FBH1: variants seen among roughly 807,000 people sequenced by gnomAD.
FBH1 encodes the protein DNA 3'-5' helicase 1.
In FBH1, 43 loss-of-function variants were observed where a neutral mutation model predicts 115.5. That is an observed-to-expected ratio of 0.37 (90% CI 0.29 to 0.48). The LOEUF (loss-of-function observed/expected upper bound fraction) is 0.48, where lower values mean the gene tolerates loss of function less well. Ranked by LOEUF, FBH1 falls within the 20% of genes least tolerant of loss-of-function variation. The pLI, the probability that FBH1 is intolerant of heterozygous loss-of-function variation, is 0.99. For synonymous variants in FBH1, 524 were observed against 507.8 expected (o/e 1.03, Z -0.43); for missense variants, 1,001 against 1,337.3 (o/e 0.75, Z 3.92).
At chr10:5,896,966 T>G (rs1455499503) in intron 1 of FBH1, among the ~76,000 whole-genome samples, 1 of 152,188 alleles carries the variant, frequency 6.6e-6, no homozygotes, top group Non-Finnish European at 1.5e-5. Flanking sequence ...TTTGAACTGC[T>G]TTTTAAAAAG....
chr10:5,936,712 C>A lies in FBH1; in HGVS notation c.2961+125C>A. ...GTGTGATCCTTTATTAGGGGCTTTT[C>A]ATATGAGAGGCACAAGAGGTGTGTG... On this transcript the variant is annotated intron_variant, in intron 20 of 20. Transcript: ENST00000362091. The surrounding 1 kb of genome is among the most constrained non-coding windows in gnomAD (Gnocchi z 5.6). The A allele has an allele frequency of 1.6e-6, 2 of 1,243,114 alleles. No homozygotes were observed. Among genetic ancestry groups the A allele is most frequent in the South Asian group, 1.4e-5 (1 of 73,464 alleles). The allele number at this position is 1,243,114 out of a possible 1,614,324, so 77.0% of individuals were successfully genotyped here. A position where few individuals can be genotyped will look rare whatever the true frequency, so the allele number is the denominator to read the frequency against.
chr10:5,912,571 G>A (rs1831669215), intron 6 of FBH1, among the ~76,000 whole-genome samples: 3 of 152,294 alleles, frequency 2.0e-5, no homozygotes, highest in South Asian at 2.1e-4. Flanking sequence ...AAGGAAGGTG[G>A]CTAGTGGCAC....
At chr10:5,908,511 C>T (rs1843863801) in intron 3 of FBH1, among the ~76,000 whole-genome samples, 1 of 152,158 alleles carries the variant, frequency 6.6e-6, no homozygotes, top group Admixed American at 6.5e-5. Context: ...AACATTTCTG[C>T]CTGATTTTCC....
rs528302493 is a variant in FBH1 at position 5,900,000 on chromosome 10, C to A, written c.2-3020C>A. 8.0e-4 allele frequency among the ~76,000 whole-genome samples: 122 copies of A among 152,312 alleles called. 1 individual carries two copies. The highest frequency in any genetic ancestry group is 1.2e-3 in the Non-Finnish European group (81 of 68,028). On this transcript the variant is annotated intron_variant, in intron 1 of 20. Transcript: ENST00000362091. ...CTGGTCAGCAACATTACAGAACCAG[C>A]ACAAACCAGCACAAAACCATCAAAG...
rs1259438417 is a variant in FBH1 at position 5,932,563 on chromosome 10, G to A, written c.2830-3893G>A. On this transcript the variant is annotated intron_variant, in intron 19 of 20. Coordinates refer to ENST00000362091, the MANE Select transcript of FBH1 (RefSeq NM_178150.3). The surrounding 1 kb of genome is among the most constrained non-coding windows in gnomAD (Gnocchi z 5.9). Reference sequence around the variant, plus strand: ...ATTTATGCCGTTCTCGCTCATGGACGTGGTCACTTCCAGCCTTTTGCTTTC... The same window carrying A: ...ATTTATGCCGTTCTCGCTCATGGACATGGTCACTTCCAGCCTTTTGCTTTC... 6.6e-6 allele frequency among the ~76,000 whole-genome samples: 1 copy of A among 152,166 alleles called. No homozygotes were observed. The highest frequency in any genetic ancestry group is 1.5e-5 in the Non-Finnish European group (1 of 68,042).
intron 1 of FBH1, 100 bp downstream of exon 1, chr10:5,890,446 G>A (rs1440142355): frequency 5.9e-6 from 2 of 337,756 alleles, no homozygotes; most frequent in Non-Finnish European, 1.1e-5. Flanking sequence ...GGCCCGGGGT[G>A]GGGCAGCGGG....
chr10:5,898,735 A>G (rs894223100), intron 1 of FBH1, among the ~76,000 whole-genome samples: 14 of 152,212 alleles, frequency 9.2e-5, no homozygotes, highest in African/African-American at 3.4e-4. Flanking sequence ...TCATACCGTC[A>G]CCTTGCGGGT....
rs78243977 is a variant in FBH1 at position 5,900,572 on chromosome 10, C to T, written c.2-2448C>T. On this transcript the variant is annotated intron_variant, in intron 1 of 20. Transcript: ENST00000362091. This position sits in a 1 kb window ranked among gnomAD's most constrained non-coding sequence, Gnocchi z 4.2. ...GTTCAGGTAGTTAGACGATTTCCAG[C>T]GTCCTTTCAGAGGGGCTCTCAGAAC... 0.019 allele frequency among the ~76,000 whole-genome samples: 2,969 copies of T among 152,292 alleles called. 102 individuals are homozygous for T. Among genetic ancestry groups the T allele is most frequent in the African/African-American group, 0.067 (2,777 of 41,548 alleles).
At chr10:5,893,949 T>C (rs1387460275) in intron 1 of FBH1, 1 of 979,344 alleles carries the variant, frequency 1.0e-6, no homozygotes, top group East Asian at 1.1e-4. Context: ...CTTTCTCTTG[T>C]TTTTCAAACA....
In FBH1 at chr10:5,935,734, A is replaced by G. The variant is rs1322543621; in HGVS notation, c.2830-722A>G. 1 of 152,216 alleles carries G rather than the reference A, an allele frequency of 6.6e-6. No homozygotes were observed. The highest frequency in any genetic ancestry group is 1.5e-5 in the Non-Finnish European group (1 of 67,996). The allele number at this position is 152,216 out of a possible 1,614,324, so 9.4% of individuals were successfully genotyped here. A position where few individuals can be genotyped will look rare whatever the true frequency, so the allele number is the denominator to read the frequency against. ...AATAGCTGGTCATAATCCAGAAAATACGAAACCGTCCTTTCCTGGGCAGCA... is the reference window on the plus strand; with the variant it reads ...AATAGCTGGTCATAATCCAGAAAATGCGAAACCGTCCTTTCCTGGGCAGCA... On this transcript the variant is annotated intron_variant, in intron 19 of 20. Coordinates refer to ENST00000362091, the MANE Select transcript of FBH1 (RefSeq NM_178150.3). This position sits in a 1 kb window ranked among gnomAD's most constrained non-coding sequence, Gnocchi z 5.2.
At chr10:5,899,439 T>C (rs752536953) in intron 1 of FBH1, among the ~76,000 whole-genome samples, 3 of 152,256 alleles carry the variant, frequency 2.0e-5, no homozygotes, top group Admixed American at 2.0e-4. Context: ...TAACTTTCTT[T>C]AGTGAGTGTC....
intron 1 of FBH1, among the ~76,000 whole-genome samples, chr10:5,899,329 G>A (rs588742): frequency 0.54 from 81,891 of 151,898 alleles, 22,493 homozygotes; most frequent in East Asian, 0.83. Context: ...GTTTTGTTTT[G>A]TTTTTTTCCT....
chr10:5,892,279 T>C (rs1842779478), intron 1 of FBH1, among the ~76,000 whole-genome samples: 1 of 152,186 alleles, frequency 6.6e-6, no homozygotes, highest in Admixed American at 6.5e-5. Flanking sequence ...TTTCCTCCTG[T>C]TTTTCATGGG....
rs958364145 is a variant in FBH1, at chr10:5,923,863, A to G, written c.2398+167A>G. On this transcript the variant is annotated intron_variant, in intron 16 of 20. Transcript: ENST00000362091. The surrounding 1 kb of genome is among the most constrained non-coding windows in gnomAD (Gnocchi z 5.7). ...GGGGTGCCTCGGGCCTCCTGTTTTC[A>G]TAGGTACTGACAGATTTTTCCAGAT... is the stretch of plus-strand genomic sequence containing the variant. 7 of 623,282 alleles carry G rather than the reference A, an allele frequency of 1.1e-5. No individual in the cohort carries two copies. The highest frequency in any genetic ancestry group is 7.9e-5 in the South Asian group (4 of 50,528). 38.6% of individuals were successfully genotyped at this position (623,282 alleles called of 1,614,324 possible).
At chr10:5,898,435 C>A (rs1032965152) in intron 1 of FBH1, among the ~76,000 whole-genome samples, 2 of 151,408 alleles carry the variant, frequency 1.3e-5, no homozygotes, top group African/African-American at 4.9e-5. Flanking sequence ...TTTTGAGACA[C>A]AATCTCTCTC....
At chr10:5,898,347 A>G (rs1182522845) in intron 1 of FBH1, among the ~76,000 whole-genome samples, 2 of 152,122 alleles carry the variant, frequency 1.3e-5, no homozygotes, top group Admixed American at 6.5e-5. Context: ...GACCTCTCTT[A>G]TAAGGGCACT....
At position 5,916,380 on chromosome 10, in the gene FBH1, T is replaced by C; in HGVS notation, c.1712T>C (p.Leu571Pro). ...ENFFASADEE[L>P]TIDHVPIWCK... ...TTCTTTGCCTCGGCTGACGAAGAGC[T>C]GACCATTGATCACGTGCCTATTTGG... The change falls in exon 10 of 21, where the codon CTG (leucine) becomes CCG (proline). Residue 571 changes from leucine (L) to proline (P), a missense_variant. Transcript: ENST00000362091. 1 of 1,614,250 alleles carries C rather than the reference T, an allele frequency of 6.2e-7. No homozygotes were observed. The highest frequency in any genetic ancestry group is 8.5e-7 in the Non-Finnish European group (1 of 1,180,048).
At chr10:5,904,440 A>G (rs973098574) in intron 2 of FBH1, among the ~76,000 whole-genome samples, 1 of 152,220 alleles carries the variant, frequency 6.6e-6, no homozygotes, top group African/African-American at 2.4e-5. Flanking sequence ...AGTTTGTTCC[A>G]TATATAGAAG....
intron 13 of FBH1, among the ~76,000 whole-genome samples, chr10:5,920,788 A>C (rs1832264408): frequency 6.6e-6 from 1 of 152,190 alleles, no homozygotes; most frequent in Non-Finnish European, 1.5e-5. Flanking sequence ...TCTTGGGCTG[A>C]GTTTTGAAGG....
Sources: allele counts gnomAD v4.1 joint callset (sites outside exome capture counted in the v4.1 genomes callset), GRCh38; gene constraint gnomAD v4.1.1; non-coding constraint Gnocchi (gnomAD v3.1); transcripts MANE v1.5; gene names NCBI Gene and HGNC (gene_info 2026-07-23, HGNC 2026-07-21).